Variants in SMYD4 observed in about 807,000 individuals in gnomAD.
SMYD4 encodes the protein protein-lysine N-methyltransferase SMYD4.
A neutral mutation model predicts 72.8 loss-of-function variants in SMYD4; 68 were observed. The observed-to-expected ratio is 0.93, with a 90% CI of 0.77 to 1.14. The LOEUF (loss-of-function observed/expected upper bound fraction) is 1.14, where lower values mean the gene tolerates loss of function less well. Among genes scored for constraint, SMYD4 ranks in the 50% most tolerant of loss-of-function variants. SMYD4 has a pLI of 0.00. For missense variants in SMYD4, 984 were observed against 1,003.7 expected (o/e 0.98, Z 0.27); for synonymous variants, 407 against 388.6 (o/e 1.05, Z -0.56).
intron 2 of SMYD4, 93 bp downstream of exon 2, chr17:1,827,768 T>C: frequency 6.9e-7 from 1 of 1,456,284 alleles, no homozygotes. Flanking sequence ...GACTCAATCT[T>C]TATTTAAGAA....
In SMYD4 at chr17:1,794,077, ATGTG is replaced by A. The variant is rs1226059890; in HGVS notation, c.1537+5776_1537+5779del. The stretch of plus-strand genomic sequence containing the variant: ...TGTGTGTATATATATGTGTATATAT[ATGTG>A]TATATATATATATATATATATATAT... On this transcript the variant is annotated intron_variant, in intron 5 of 10. Coordinates refer to ENST00000305513, the MANE Select transcript of SMYD4 (RefSeq NM_052928.3). Among the ~76,000 whole-genome samples the A allele has an allele frequency of 2.1e-3, 91 of 43,624 alleles. 5 individuals carry two copies. Among genetic ancestry groups the A allele is most frequent in the African/African-American group, 3.6e-3 (39 of 10,798 alleles). The allele number at this position is 43,624 out of a possible 152,430, so 28.6% of individuals were successfully genotyped here. A position where few individuals can be genotyped will look rare whatever the true frequency, so the allele number is the denominator to read the frequency against.
rs142408162 is a variant in SMYD4, at chr17:1,800,510, T to A, written c.884A>T (p.Tyr295Phe). The change falls in exon 5 of 11, where the codon TAT becomes TTT. Residue 295 changes from tyrosine to phenylalanine, a missense_variant. Tyr to Phe is a conservative substitution (Grantham distance 22). Transcript: ENST00000305513. ...WDTRVTNGDL[Y>F]CHRCLKHTLA... ...AGTGTGCTTCAAACATCGGTGACAA[T>A]AGAGGTCCCCATTGGTGACTCTGGT... 1 of 1,614,174 alleles carries A rather than the reference T, an allele frequency of 6.2e-7. No individual in the cohort carries two copies.
At chr17:1,782,807 C>A in intron 10 of SMYD4, 1 of 341,610 alleles carries the variant, frequency 2.9e-6, no homozygotes, top group African/African-American at 2.2e-5. Context: ...CGCTCTGTCG[C>A]CCAGGCTACA....
chr17:1,781,638 A>C, intron 10 of SMYD4, 199 bp from the exon 11 acceptor site: 2 of 423,086 alleles, frequency 4.7e-6, no homozygotes, highest in Non-Finnish European at 7.9e-6. Flanking sequence ...GATAGTATAG[A>C]CGCCAGGATC....
chr17:1,800,911 C>A lies in SMYD4; in HGVS notation c.483G>T (p.Glu161Asp), dbSNP rs146630758. 6.2e-7 allele frequency: 1 copy of A among 1,614,186 alleles called. No homozygotes were observed. The highest frequency in any genetic ancestry group is 8.5e-7 in the Non-Finnish European group (1 of 1,180,036). Residue 161 changes from glutamate to aspartate, a missense_variant, in exon 5 of 11, where the codon GAG becomes GAT. Coordinates refer to ENST00000305513, the MANE Select transcript of SMYD4 (RefSeq NM_052928.3). The part of the protein sequence containing the change: ...ECLVALGRLQ[E>D]ASQTISDLER... ...CAAGATCACTGATGGTCTGGCTTGC[C>A]TCCTGCAGTCTCCCCAGGGCCACCA...
At chr17:1,814,155 A>C (rs1006526618) in intron 2 of SMYD4, among the ~76,000 whole-genome samples, 1 of 151,990 alleles carries the variant, frequency 6.6e-6, no homozygotes, top group African/African-American at 2.4e-5. Context: ...AAATACAAAA[A>C]TTAGCTGGGT....
intron 8 of SMYD4, 68 bp from the exon 9 acceptor site, chr17:1,783,544 C>T: frequency 6.5e-7 from 1 of 1,539,640 alleles, no homozygotes; most frequent in Non-Finnish European, 8.8e-7. Context: ...GAATCCAGGT[C>T]TCAAATCCTC....
At position 1,780,925 on chromosome 17, in the gene SMYD4, T is replaced by A. The variant is rs1156556422; in HGVS notation, c.*361A>T. Reference sequence around the variant, plus strand: ...GCTTGAGCCACCGCACCCGGCCTCTTATTTTTTTTTTTGAGATGGAGTCTC... The same window carrying A: ...GCTTGAGCCACCGCACCCGGCCTCTAATTTTTTTTTTTGAGATGGAGTCTC... On this transcript the variant is annotated 3_prime_UTR_variant, in exon 11 of 11. Coordinates refer to ENST00000305513, the MANE Select transcript of SMYD4 (RefSeq NM_052928.3). 2 of 152,360 alleles carry A rather than the reference T, an allele frequency of 1.3e-5. No individual in the cohort carries two copies. The highest frequency in any genetic ancestry group is 5.3e-5 in the African/African-American group (2 of 37,934). The allele number at this position is 152,360 out of a possible 1,614,324, so 9.4% of individuals were successfully genotyped here.
chr17:1,796,317 T>G (rs1005144018), intron 5 of SMYD4, among the ~76,000 whole-genome samples: 3 of 149,294 alleles, frequency 2.0e-5, no homozygotes, highest in African/African-American at 7.4e-5. Flanking sequence ...TTTTTTTTTT[T>G]GTAGAGATGG....
intron 7 of SMYD4, among the ~76,000 whole-genome samples, chr17:1,785,219 C>G (rs1471201261): frequency 7.0e-6 from 1 of 143,682 alleles, no homozygotes; most frequent in Non-Finnish European, 1.5e-5. Flanking sequence ...GTCAGGAGAT[C>G]GAGACCATCC....
At chr17:1,807,640 G>C (rs1235188372) in intron 3 of SMYD4, among the ~76,000 whole-genome samples, 1 of 152,152 alleles carries the variant, frequency 6.6e-6, no homozygotes, top group Non-Finnish European at 1.5e-5. Context: ...TAGGATTACA[G>C]GTGCGAGCCA....
intron 3 of SMYD4, among the ~76,000 whole-genome samples, chr17:1,808,069 C>A (rs896079260): frequency 6.6e-6 from 1 of 152,178 alleles, no homozygotes; most frequent in African/African-American, 2.4e-5. Flanking sequence ...TCCTGGAGAA[C>A]AATTCAGCAT....
intron 5 of SMYD4, among the ~76,000 whole-genome samples, chr17:1,791,116 C>CAAAAAA (rs56079708): frequency 1.3e-4 from 11 of 86,638 alleles, no homozygotes; most frequent in African/African-American, 1.7e-4. Flanking sequence ...TGGCCCGTCT[C>CAAAAAA]AAAAAAAAAA....
chr17:1,781,094 T>C lies in SMYD4; in HGVS notation c.*192A>G. The stretch of plus-strand genomic sequence containing the variant: ...ACCACCACGCCTGGCTAGTTTTTTG[T>C]ATTTTTAGTAAAGATGGGGTTTCAC... On this transcript the variant is annotated 3_prime_UTR_variant, in exon 11 of 11. Transcript: ENST00000305513. The C allele has an allele frequency of 1.7e-6, 1 of 582,234 alleles. No homozygotes were observed. Among genetic ancestry groups the C allele is most frequent in the Non-Finnish European group, 2.7e-6 (1 of 365,826 alleles). 36.1% of individuals were successfully genotyped at this position (582,234 alleles called of 1,614,324 possible).
intron 5 of SMYD4, 131 bp from the exon 6 acceptor site, chr17:1,787,735 C>A: frequency 6.6e-6 from 6 of 910,714 alleles, no homozygotes; most frequent in Non-Finnish European, 6.4e-6. Context: ...CAGCCAGATC[C>A]AATATAAATC....
chr17:1,787,224 G>A (rs1008723156), intron 6 of SMYD4, among the ~76,000 whole-genome samples, 198 bp downstream of exon 6: 3 of 152,202 alleles, frequency 2.0e-5, no homozygotes, highest in Admixed American at 2.0e-4. Flanking sequence ...GCGAGACATA[G>A]TTTAGCCGCA....
intron 3 of SMYD4, among the ~76,000 whole-genome samples, chr17:1,809,567 G>A (rs1409125981): frequency 6.6e-6 from 1 of 150,960 alleles, no homozygotes; most frequent in African/African-American, 2.4e-5. Flanking sequence ...AGTAGAGACG[G>A]GGTTTCACCA....
At chr17:1,801,290 T>C (rs886982943) in intron 4 of SMYD4, among the ~76,000 whole-genome samples, 2 of 151,926 alleles carry the variant, frequency 1.3e-5, no homozygotes, top group Non-Finnish European at 1.5e-5. Context: ...CCAGGCTGGA[T>C]TGCAGTGGTG....
chr17:1,794,081 G>GTGTATATATATATATATA (rs1454228796), intron 5 of SMYD4, among the ~76,000 whole-genome samples: 12 of 17,124 alleles, frequency 7.0e-4, no homozygotes, highest in Non-Finnish European at 1.1e-3. Context: ...ATATATATGT[G>GTGTATATATATATATATA]TATATATATA....
Sources: gnomAD v4.1 joint callset for allele counts (sites outside exome capture counted in the v4.1 genomes callset) on GRCh38, gnomAD v4.1.1 for gene constraint, MANE v1.5 for transcripts, NCBI Gene and HGNC (gene_info 2026-07-23, HGNC 2026-07-21) for gene names.